Variants in LPO observed in about 807,000 individuals in gnomAD.
LPO encodes the protein salivary peroxidase.
LPO carries 70 observed loss-of-function variants against 68.4 expected under a neutral mutation model. That is an observed-to-expected ratio of 1.02 (90% CI 0.84 to 1.25). The LOEUF (loss-of-function observed/expected upper bound fraction) is 1.25. LPO is among the 50% of genes most tolerant of loss of function. The pLI is 0.00. For synonymous variants in LPO, 360 were observed against 357.6 expected (o/e 1.01, Z -0.08); for missense variants, 873 against 908.4 (o/e 0.96, Z 0.50).
At chr17:58,257,671 T>C (rs1598029498) in intron 9 of LPO, among the ~76,000 whole-genome samples, 1 of 152,272 alleles carries the variant, frequency 6.6e-6, no homozygotes, top group African/African-American at 2.4e-5. Flanking sequence ...GTGAGATTGC[T>C]GGATCATATG....
At chr17:58,249,465 C>T (rs1439787078) in intron 5 of LPO, 101 bp from the exon 6 acceptor site, 2 of 1,478,974 alleles carry the variant, frequency 1.4e-6, no homozygotes, top group African/African-American at 2.8e-5. Flanking sequence ...TTCTCTGCGT[C>T]CCCTCCGCCT....
chr17:58,239,774 G>A (rs1969720579), intron 1 of LPO, among the ~76,000 whole-genome samples: 1 of 152,152 alleles, frequency 6.6e-6, no homozygotes, highest in Non-Finnish European at 1.5e-5. Context: ...TGGAAATGCA[G>A]ACTTTCAGGC....
intron 8 of LPO, 103 bp downstream of exon 8, chr17:58,252,609 G>C (rs1218905863): frequency 8.7e-7 from 1 of 1,155,678 alleles, no homozygotes; most frequent in African/African-American, 1.5e-5. Context: ...AATGCACACT[G>C]AGCCATTGCT....
chr17:58,255,009 T>G (rs1970046016), intron 9 of LPO, 38 bp downstream of exon 9: 5 of 1,603,498 alleles, frequency 3.1e-6, no homozygotes, highest in Non-Finnish European at 4.3e-6. Context: ...TGGTCCCACC[T>G]GGCTCCCACT....
intron 9 of LPO, among the ~76,000 whole-genome samples, chr17:58,263,620 T>C (rs1970210156): frequency 3.3e-5 from 5 of 152,058 alleles, no homozygotes; most frequent in Admixed American, 3.3e-4. Flanking sequence ...GCACCTGTGG[T>C]CTCAGCTACT....
In LPO at chr17:58,243,021, C is replaced by T; in HGVS notation, c.42C>T (p.Leu14=). 2 of 1,614,094 alleles carry T rather than the reference C, an allele frequency of 1.2e-6. No individual in the cohort carries two copies. The highest frequency in any genetic ancestry group is 1.7e-6 in the Non-Finnish European group (2 of 1,180,016). Residue 14 remains leucine (L), a synonymous_variant, in exon 2 of 13, where the codon CTC becomes CTT. Coordinates refer to ENST00000262290, the MANE Select transcript of LPO (RefSeq NM_006151.3). The part of the protein sequence containing the change: ...LLHLPALLAS[L]ILLQAAASTT... Reference sequence around the variant, plus strand: ...ATCTCCCAGCCCTCCTGGCTTCCCTCATCTTGCTTCAGGCTGCAGCATCTA... The same window carrying T: ...ATCTCCCAGCCCTCCTGGCTTCCCTTATCTTGCTTCAGGCTGCAGCATCTA...
Position 58,252,281 on chromosome 17 carries a change from C to T in LPO, c.880C>T (p.Arg294Ter), listed in dbSNP as rs756754192. ...CACTCCACCCTACAAGTCCCTGGCC[C>T]GAGAGCAGATCAACGCTCTGACCTC... Reference protein sequence around the residue: ...CPTPPYKSLAREQINALTSFL... With the variant: ...CPTPPYKSLA Residue 294 changes from arginine (R) to a stop codon, truncating the protein, a stop_gained, in exon 8 of 13, where the codon CGA (arginine) becomes TGA (stop). Coordinates refer to ENST00000262290, the MANE Select transcript of LPO (RefSeq NM_006151.3). LOFTEE classifies it high-confidence loss of function. The T allele has an allele frequency of 3.7e-6, 6 of 1,614,178 alleles. No individual in the cohort carries two copies. The highest frequency in any genetic ancestry group is 1.7e-5 in the Admixed American group (1 of 60,026).
chr17:58,257,853 T>C (rs1262411922), intron 9 of LPO, among the ~76,000 whole-genome samples: 2 of 152,254 alleles, frequency 1.3e-5, no homozygotes, highest in East Asian at 1.9e-4. Context: ...TAATATCTCA[T>C]TGTAGTTTTG....
Position 58,264,945 on chromosome 17 carries a change from T to C in LPO, c.1490T>C (p.Phe497Ser). 3 of 1,614,192 alleles carry C rather than the reference T, an allele frequency of 1.9e-6. No homozygotes were observed. The highest frequency in any genetic ancestry group is 2.5e-6 in the Non-Finnish European group (3 of 1,180,024). The stretch of plus-strand genomic sequence containing the variant: ...CCAGAACTCCCCCTCCACACCCTCT[T>C]CTTCAACACTTGGAGGATGGTCAAA... ...PEPELPLHTLFFNTWRMVKDG... is the reference protein window; with the variant it reads ...PEPELPLHTLSFNTWRMVKDG... The change falls in exon 10 of 13, where the codon TTC becomes TCC. Residue 497 changes from phenylalanine (F) to serine (S), a missense_variant. Coordinates refer to ENST00000262290, the MANE Select transcript of LPO (RefSeq NM_006151.3).
In LPO at chr17:58,267,447, C is replaced by T. The variant is rs370417456; in HGVS notation, c.1792C>T (p.Leu598=). 1.1e-4 allele frequency: 181 copies of T among 1,614,102 alleles called. No individual in the cohort carries two copies. Among genetic ancestry groups the T allele is most frequent in the Non-Finnish European group, 1.5e-4 (173 of 1,180,036 alleles). ...LKSKMLAKKL[L]GLYGTPDNID... ...GAGCAAGATGCTGGCCAAGAAGTTA[C>T]TGGGTCTCTACGGGACCCCTGACAA... The change falls in exon 12 of 13, where the codon CTG becomes TTG. Residue 598 remains leucine (L), a synonymous_variant. Transcript: ENST00000262290.
intron 7 of LPO, 51 bp downstream of exon 7, chr17:58,250,672 G>A: frequency 1.9e-6 from 3 of 1,565,666 alleles, no homozygotes; most frequent in Non-Finnish European, 2.6e-6. Context: ...CCACCCTGAT[G>A]TAGCAGACAT....
chr17:58,263,275 T>A (rs2143940638), intron 9 of LPO, among the ~76,000 whole-genome samples: 1 of 152,392 alleles, frequency 6.6e-6, no homozygotes, highest in East Asian at 1.9e-4. Context: ...TGGCTGCTTT[T>A]AAAATTTTTA....
chr17:58,258,022 A>G (rs1970102764), intron 9 of LPO, among the ~76,000 whole-genome samples: 1 of 152,156 alleles, frequency 6.6e-6, no homozygotes, highest in Non-Finnish European at 1.5e-5. Flanking sequence ...AGCTTCATAT[A>G]TATTCTGGTT....
intron 1 of LPO, among the ~76,000 whole-genome samples, chr17:58,239,807 A>G (rs748447002): frequency 8.5e-5 from 13 of 152,208 alleles, no homozygotes; most frequent in Non-Finnish European, 1.5e-4. Flanking sequence ...CTTCTGAGTC[A>G]GAATCTGCAT....
chr17:58,249,632 C>T lies in LPO; in HGVS notation c.510C>T (p.Asp170=), dbSNP rs1321548562. The change falls in exon 6 of 13, where the codon GAC becomes GAT. Residue 170 remains aspartate (D), a synonymous_variant. Transcript: ENST00000262290. The part of the protein sequence containing the change: ...LARWLPAEYE[D]GLSLPFGWTP... ...GCTGGCTGCCCGCGGAGTACGAGGA[C>T]GGGCTCTCCCTGCCCTTCGGCTGGA... 4 of 1,601,262 alleles carry T rather than the reference C, an allele frequency of 2.5e-6. No individual in the cohort carries two copies. The highest frequency in any genetic ancestry group is 3.7e-4 in the Middle Eastern group (2 of 5,372).
intron 10 of LPO, 56 bp from the exon 11 acceptor site, chr17:58,266,097 A>G: frequency 1.3e-6 from 2 of 1,546,192 alleles, no homozygotes; most frequent in Non-Finnish European, 1.8e-6. Flanking sequence ...CAAGCCATGA[A>G]TGATGTTCCC....
In LPO at chr17:58,242,972, T is replaced by A. The variant is rs371263311; in HGVS notation, c.-2-6T>A. 6.6e-5 allele frequency: 106 copies of A among 1,613,566 alleles called. No homozygotes were observed. The highest frequency in any genetic ancestry group is 8.6e-5 in the Non-Finnish European group (102 of 1,179,714). Reference sequence around the variant, plus strand: ...GCTCACAGTGTGATCCTGCATCTCGTTTCAGTGATGAGGGTCCTTCTCCAT... The same window carrying A: ...GCTCACAGTGTGATCCTGCATCTCGATTCAGTGATGAGGGTCCTTCTCCAT... On this transcript the variant is annotated splice_polypyrimidine_tract_variant and splice_region_variant and intron_variant, in intron 1 of 12. Coordinates refer to ENST00000262290, the MANE Select transcript of LPO (RefSeq NM_006151.3).
At chr17:58,249,257 T>C in intron 5 of LPO, 80 bp downstream of exon 5, 1 of 1,273,924 alleles carries the variant, frequency 7.8e-7, no homozygotes, top group Non-Finnish European at 1.1e-6. Context: ...CCTTGGGCAC[T>C]CTAGGCAGAT....
intron 7 of LPO, chr17:58,251,632 G>A (rs983107956): frequency 8.7e-6 from 3 of 346,054 alleles, no homozygotes; most frequent in African/African-American, 2.1e-5. Flanking sequence ...AGCATAAACT[G>A]TGGAATGAAG....
Sources: allele counts gnomAD v4.1 joint callset (sites outside exome capture counted in the v4.1 genomes callset), GRCh38; gene constraint gnomAD v4.1.1; transcripts MANE v1.5; gene names NCBI Gene and HGNC (gene_info 2026-07-23, HGNC 2026-07-21).